Variants in TCF4 observed in about 807,000 individuals in gnomAD.
TCF4 encodes the protein SL3-3 enhancer factor 2.
A neutral mutation model predicts 82.1 loss-of-function variants in TCF4; 3 were observed. The ratio of observed to expected loss-of-function variants is 0.04; its 90% CI spans 0.02 to 0.09. TCF4 has a LOEUF of 0.09. Ranked by LOEUF, TCF4 falls within the 10% of genes least tolerant of loss-of-function variation. The pLI is 1.00. For synonymous variants in TCF4, 276 were observed against 309.6 expected, an observed-to-expected ratio of 0.89 and a Z score of 1.14; for missense variants, 518 against 852.7, an observed-to-expected ratio of 0.61 and a Z score of 4.89.
At chr18:55,262,360 G>A (rs1275362179) in intron 11 of TCF4, among the ~76,000 whole-genome samples, 1 of 152,184 alleles carries the variant, frequency 6.6e-6, no homozygotes, top group Non-Finnish European at 1.5e-5. Context: ...GTGATAAAAT[G>A]GGATTTCCAG....
In TCF4 at chr18:55,225,550, T is replaced by C. The variant is rs2046479473; in HGVS notation, c.*2485A>G. ...CCTGCTTCCTATATAATATTGTTCC[T>C]AGGGATACCCGCCTTGGTAGACTAT... On this transcript the variant is annotated 3_prime_UTR_variant, in exon 20 of 20. Coordinates refer to ENST00000354452, the MANE Select transcript of TCF4 (RefSeq NM_001083962.2). 6.6e-6 allele frequency: 1 copy of C among 152,528 alleles called. No individual in the cohort carries two copies. The highest frequency in any genetic ancestry group is 2.4e-5 in the African/African-American group (1 of 41,436). 9.4% of individuals were successfully genotyped at this position (152,528 alleles called of 1,614,324 possible).
chr18:55,351,579 G>A (rs1469019873), intron 6 of TCF4, among the ~76,000 whole-genome samples: 4 of 152,030 alleles, frequency 2.6e-5, no homozygotes, highest in Non-Finnish European at 5.9e-5. Flanking sequence ...TACAGAAATA[G>A]CAGATATTCC....
chr18:55,529,138 A>G (rs1017343445), intron 3 of TCF4, among the ~76,000 whole-genome samples: 1 of 152,226 alleles, frequency 6.6e-6, no homozygotes, highest in Non-Finnish European at 1.5e-5. Context: ...AGATCGTGCC[A>G]TTGCACTTCA....
intron 5 of TCF4, among the ~76,000 whole-genome samples, chr18:55,455,756 T>C (rs1439590205): frequency 2.0e-5 from 3 of 152,224 alleles, no homozygotes; most frequent in Non-Finnish European, 2.9e-5. Context: ...GGTTTTACTA[T>C]TTTCTAATAC....
At chr18:55,585,890 C>A in intron 2 of TCF4, 1 of 1,220,684 alleles carries the variant, frequency 8.2e-7, no homozygotes, top group Non-Finnish European at 1.0e-6. Flanking sequence ...CTCACTCTCT[C>A]TTTCACTCCC....
Position 55,222,413 on chromosome 18 carries a change from G to C in TCF4, c.*5622C>G, listed in dbSNP as rs1415413156. ...CTCAAATCATTTAGAAGGTAAAAGG[G>C]GGTTATCAACCAAAATCTTTGGAAA... On this transcript the variant is annotated 3_prime_UTR_variant, in exon 20 of 20. Coordinates refer to ENST00000354452, the MANE Select transcript of TCF4 (RefSeq NM_001083962.2). 1 of 152,066 alleles carries C rather than the reference G, an allele frequency of 6.6e-6. No homozygotes were observed. The highest frequency in any genetic ancestry group is 1.5e-5 in the Non-Finnish European group (1 of 67,998). The allele number at this position is 152,066 out of a possible 1,614,324, so 9.4% of individuals were successfully genotyped here. A position where few individuals can be genotyped will look rare whatever the true frequency, so the allele number is the denominator to read the frequency against.
chr18:55,602,108 C>T (rs2097697724), intron 2 of TCF4, among the ~76,000 whole-genome samples: 1 of 152,190 alleles, frequency 6.6e-6, no homozygotes, highest in Non-Finnish European at 1.5e-5. Context: ...AGCACTATCA[C>T]ACTTACTATG....
At chr18:55,330,575 C>A (rs1569036440) in intron 8 of TCF4, among the ~76,000 whole-genome samples, 1 of 149,030 alleles carries the variant, frequency 6.7e-6, no homozygotes, top group Non-Finnish European at 1.5e-5. Context: ...ACTACATTTT[C>A]TTTTTTTTTG....
At chr18:55,467,732 AG>A (rs2096062996) in intron 3 of TCF4, among the ~76,000 whole-genome samples, 1 of 152,204 alleles carries the variant, frequency 6.6e-6, no homozygotes, top group Non-Finnish European at 1.5e-5. Flanking sequence ...TACTCCTGCT[AG>A]GGTACCAGGA....
In TCF4 at chr18:55,223,837, CA is replaced by C. The variant is rs756501571; in HGVS notation, c.*4197del. 2 of 151,212 alleles carry C rather than the reference CA, an allele frequency of 1.3e-5. No homozygotes were observed. The highest frequency in any genetic ancestry group is 3.0e-5 in the Non-Finnish European group (2 of 67,724). 9.4% of individuals were successfully genotyped at this position (151,212 alleles called of 1,614,324 possible). On this transcript the variant is annotated 3_prime_UTR_variant, in exon 20 of 20. Coordinates refer to ENST00000354452, the MANE Select transcript of TCF4 (RefSeq NM_001083962.2). Reference sequence around the variant, plus strand: ...AAACAAAAACAAAACAAAAAACAAACAAAAAAGCTACCCATACAGTTTCATC... The same window carrying C: ...AAACAAAAACAAAACAAAAAACAAACAAAAAGCTACCCATACAGTTTCATC...
chr18:55,578,618 A>G (rs2097549729), intron 3 of TCF4, among the ~76,000 whole-genome samples: 1 of 152,078 alleles, frequency 6.6e-6, no homozygotes, highest in African/African-American at 2.4e-5. Context: ...TGGATCAAAG[A>G]GACATTCTGG....
At chr18:55,258,503 G>C (rs996748500) in intron 13 of TCF4, among the ~76,000 whole-genome samples, 1 of 152,066 alleles carries the variant, frequency 6.6e-6, no homozygotes, top group African/African-American at 2.4e-5. Flanking sequence ...AGAACTGTGA[G>C]CACCAGATTT....
Position 55,447,008 on chromosome 18 carries a change from A to T in TCF4, c.304+14011T>A, listed in dbSNP as rs539591377. Among the ~76,000 whole-genome samples the T allele has an allele frequency of 2.2e-3, 339 of 151,838 alleles. 3 individuals carry two copies. Among genetic ancestry groups the T allele is most frequent in the African/African-American group, 7.5e-3 (310 of 41,454 alleles). On this transcript the variant is annotated intron_variant, in intron 5 of 19. Transcript: ENST00000354452. ...TCAAAAAAAAAAAAAAAAGGAAAAAAAGAAAAAAAAATCTTAGCCAAGCTG... is the reference window on the plus strand; with the variant it reads ...TCAAAAAAAAAAAAAAAAGGAAAAATAGAAAAAAAAATCTTAGCCAAGCTG...
intron 5 of TCF4, among the ~76,000 whole-genome samples, chr18:55,438,848 C>T (rs2095383887): frequency 6.6e-6 from 1 of 152,230 alleles, no homozygotes; most frequent in Non-Finnish European, 1.5e-5. Flanking sequence ...GTGAAGCTCC[C>T]TCCTCATAAC....
At chr18:55,557,873 T>C (rs2147251476) in intron 3 of TCF4, among the ~76,000 whole-genome samples, 1 of 152,250 alleles carries the variant, frequency 6.6e-6, no homozygotes, top group East Asian at 1.9e-4. Flanking sequence ...GACAGTTCAG[T>C]CTGACATGTC....
intron 3 of TCF4, among the ~76,000 whole-genome samples, chr18:55,540,963 C>T (rs2097160182): frequency 6.6e-6 from 1 of 151,920 alleles, no homozygotes. Context: ...AAGAATAAGA[C>T]TTCAGCCATT....
intron 5 of TCF4, among the ~76,000 whole-genome samples, chr18:55,422,886 G>A (rs1359754966): frequency 6.6e-6 from 1 of 151,802 alleles, no homozygotes; most frequent in Non-Finnish European, 1.5e-5. Context: ...GAAGCTCTCC[G>A]ATGCATAATT....
intron 4 of TCF4, 48 bp downstream of exon 4, chr18:55,464,028 A>C (rs2095945691): frequency 6.5e-7 from 1 of 1,542,382 alleles, no homozygotes; most frequent in African/African-American, 1.4e-5. Context: ...TTGTCAATTT[A>C]CATATGTGGG....
chr18:55,609,539 G>T (rs910960865), intron 2 of TCF4, among the ~76,000 whole-genome samples: 1 of 152,164 alleles, frequency 6.6e-6, no homozygotes, highest in African/African-American at 2.4e-5. Flanking sequence ...CTTATGGCTT[G>T]TGTGTACAGA....
Sources: allele counts gnomAD v4.1 joint callset (sites outside exome capture counted in the v4.1 genomes callset), GRCh38; gene constraint gnomAD v4.1.1; transcripts MANE v1.5; gene names NCBI Gene and HGNC (gene_info 2026-07-23, HGNC 2026-07-21).